The following TENM3 variants were observed in gnomAD, a reference collection of about 807,000 sequenced individuals.
The protein encoded by TENM3 is teneurin transmembrane protein 3.
In TENM3, 63 loss-of-function variants were observed where a neutral mutation model predicts 255.1. The observed-to-expected ratio is 0.25, with a 90% confidence interval of 0.20 to 0.30. The LOEUF (loss-of-function observed/expected upper bound fraction) is 0.30, where lower values mean the gene tolerates loss of function less well. Ranked by LOEUF, TENM3 falls within the 10% of genes least tolerant of loss-of-function variation. The pLI is 1.00. For synonymous variants in TENM3, 1,306 were observed against 1,322.3 expected, an observed-to-expected ratio of 0.99 and a Z score of 0.27; for missense variants, 2,929 against 3,461.1, an observed-to-expected ratio of 0.85 and a Z score of 3.86.
At chr4:182,415,101 A>G (rs1357692743) in intron 3 of TENM3, among the ~76,000 whole-genome samples, 2 of 152,212 alleles carry the variant, frequency 1.3e-5, no homozygotes, top group African/African-American at 2.4e-5. Context: ...ATGCCCATTA[A>G]GTCTATTTTT....
the TENM3 span, among the ~76,000 whole-genome samples, chr4:181,883,185 T>A: frequency 6.7e-6 from 1 of 150,224 alleles, no homozygotes; most frequent in African/African-American, 2.5e-5. Flanking sequence ...AAATGACGGG[T>A]AAAAAAGCTT....
At chr4:182,737,706 A>G (rs1761278865) in intron 17 of TENM3, among the ~76,000 whole-genome samples, 1 of 152,198 alleles carries the variant, frequency 6.6e-6, no homozygotes, top group African/African-American at 2.4e-5. Flanking sequence ...AAAGAATGAT[A>G]TGTTTTTGTT....
At chr4:181,917,755 A>G in the TENM3 span, among the ~76,000 whole-genome samples, 3 of 145,080 alleles carry the variant, frequency 2.1e-5, no homozygotes, top group African/African-American at 7.8e-5. Flanking sequence ...TCCGCCTCCC[A>G]GGTTCAAGTG....
the TENM3 span, among the ~76,000 whole-genome samples, chr4:181,527,549 A>G: frequency 2.6e-5 from 4 of 151,690 alleles, no homozygotes; most frequent in South Asian, 8.3e-4. Context: ...TTGTATTTTT[A>G]GTAGAAACGG....
the TENM3 span, among the ~76,000 whole-genome samples, chr4:181,918,823 T>G: frequency 1.3e-5 from 2 of 152,068 alleles, no homozygotes; most frequent in Non-Finnish European, 2.9e-5. Flanking sequence ...AATTCATTGA[T>G]CAAAGAAAAA....
At chr4:181,819,206 C>T in the TENM3 span, among the ~76,000 whole-genome samples, 14 of 152,078 alleles carry the variant, frequency 9.2e-5, no homozygotes, top group South Asian at 1.5e-3. Context: ...TCTGAATCTG[C>T]CCAAGCTACC....
intron 3 of TENM3, among the ~76,000 whole-genome samples, chr4:182,449,802 G>A (rs1773298226): frequency 6.6e-6 from 1 of 152,232 alleles, no homozygotes; most frequent in African/African-American, 2.4e-5. Context: ...CTTTGCAGTT[G>A]TGCTTCGATG....
chr4:181,560,732 C>A, the TENM3 span, among the ~76,000 whole-genome samples: 1 of 152,130 alleles, frequency 6.6e-6, no homozygotes, highest in Non-Finnish European at 1.5e-5. Context: ...CCGTGAGGAA[C>A]CAAGTTGCTG....
upstream of TENM3, among the ~76,000 whole-genome samples, chr4:182,140,779 C>T (rs1256616876): frequency 3.3e-5 from 5 of 152,142 alleles, no homozygotes; most frequent in African/African-American, 1.2e-4. Flanking sequence ...AACGGACAGA[C>T]CCCAAAGGGG....
At chr4:182,201,235 C>T (rs1048220877) in intron 1 of TENM3, among the ~76,000 whole-genome samples, 3 of 152,166 alleles carry the variant, frequency 2.0e-5, no homozygotes, top group Non-Finnish European at 4.4e-5. Context: ...TTTGGTGTCT[C>T]ACTCAAGGAA....
chr4:182,093,639 G>A, the TENM3 span, among the ~76,000 whole-genome samples: 1 of 152,130 alleles, frequency 6.6e-6, no homozygotes, highest in Non-Finnish European at 1.5e-5. Context: ...CATTTGAGAA[G>A]AACTGCTAAA....
chr4:182,093,655 G>T, the TENM3 span, among the ~76,000 whole-genome samples: 1 of 152,132 alleles, frequency 6.6e-6, no homozygotes, highest in African/African-American at 2.4e-5. Context: ...CTAAAATGGG[G>T]AAGGTTTTGC....
At chr4:181,493,589 A>G in the TENM3 span, among the ~76,000 whole-genome samples, 2 of 151,626 alleles carry the variant, frequency 1.3e-5, no homozygotes, top group Non-Finnish European at 2.9e-5. Context: ...TAACAACAAA[A>G]ACACAAAATT....
chr4:182,600,811 G>A (rs1170889180), intron 3 of TENM3, 113 bp from the exon 4 acceptor site: 3 of 529,374 alleles, frequency 5.7e-6, no homozygotes, highest in Non-Finnish European at 9.4e-6. Flanking sequence ...TTTATATGCA[G>A]TTTTTAATTC....
chr4:181,667,126 T>A, the TENM3 span, among the ~76,000 whole-genome samples: 525 of 152,280 alleles, frequency 3.4e-3, 3 homozygotes, highest in South Asian at 0.022. Flanking sequence ...TTTTGCTTCT[T>A]CCTAGATCCC....
chr4:181,627,422 C>G, the TENM3 span, among the ~76,000 whole-genome samples: 11,568 of 152,152 alleles, frequency 0.076, 507 homozygotes, highest in East Asian at 0.15. Flanking sequence ...TGCCATGTTG[C>G]TGTGCTGCAC....
chr4:182,237,747 C>A (rs1427410195), intron 1 of TENM3, among the ~76,000 whole-genome samples: 1 of 152,186 alleles, frequency 6.6e-6, no homozygotes, highest in Non-Finnish European at 1.5e-5. Flanking sequence ...AACATTTCTT[C>A]CATAAAACTC....
the TENM3 span, among the ~76,000 whole-genome samples, chr4:181,458,414 G>A: frequency 6.6e-6 from 1 of 151,864 alleles, no homozygotes; most frequent in African/African-American, 2.4e-5. Flanking sequence ...TCTCATTAAA[G>A]GTGAAACCCA....
the TENM3 span, among the ~76,000 whole-genome samples, chr4:181,505,518 A>G: frequency 1.3e-5 from 2 of 152,208 alleles, no homozygotes; most frequent in African/African-American, 4.8e-5. Context: ...GCCTTAAAGT[A>G]AATTTGCAGT....
Sources: allele counts gnomAD v4.1 joint callset (sites outside exome capture counted in the v4.1 genomes callset), GRCh38; gene constraint gnomAD v4.1.1; transcripts MANE v1.5; gene names NCBI Gene and HGNC (gene_info 2026-07-23, HGNC 2026-07-21).